YY1: variants seen among roughly 807,000 people sequenced by gnomAD.
YY1 encodes the protein YY1 transcription factor, also known as transcriptional repressor protein YY1.
Under a neutral mutation model 35.6 loss-of-function variants are expected in YY1, and 2 were observed. The ratio of observed to expected loss-of-function variants is 0.06; its 90% CI spans 0.02 to 0.18. YY1 has a LOEUF of 0.18. YY1 is among the 10% of genes least tolerant of loss of function. The probability of loss-of-function intolerance (pLI) is 1.00; values close to 1 mark genes in which losing one functional copy is unlikely to be tolerated. For missense variants in YY1, 322 were observed against 573.4 expected, an observed-to-expected ratio of 0.56 and a Z score of 4.48; for synonymous variants, 268 against 238.9, an observed-to-expected ratio of 1.12 and a Z score of -1.12.
At chr14:100,247,453 C>G (rs773578810) in intron 1 of YY1, among the ~76,000 whole-genome samples, 3 of 151,300 alleles carry the variant, frequency 2.0e-5, no homozygotes, top group African/African-American at 7.3e-5. Context: ...ACAATCTCAG[C>G]TCATTGCAGC....
rs1891373208 is a variant in YY1 at position 100,279,162 on chromosome 14, C to G, written c.*1562C>G. 6.6e-6 allele frequency: 1 copy of G among 152,172 alleles called. No individual in the cohort carries two copies. The highest frequency in any genetic ancestry group is 6.5e-5 in the Admixed American group (1 of 15,280). 9.4% of individuals were successfully genotyped at this position (152,172 alleles called of 1,614,324 possible). A position where few individuals can be genotyped will look rare whatever the true frequency, so the allele number is the denominator to read the frequency against. ...GTTGGATCTTAGGTCAAATAACAGA[C>G]TTGAGAATACTTTATAAACTGCCAT... On this transcript the variant is annotated 3_prime_UTR_variant, in exon 5 of 5. Coordinates refer to ENST00000262238, the MANE Select transcript of YY1 (RefSeq NM_003403.5).
Position 100,241,109 on chromosome 14 carries a change from A to G in YY1, c.679+1186A>G, listed in dbSNP as rs1371586247. Reference sequence around the variant, plus strand: ...ATTATTAATTCAATGCTGGTTTTTTAGGTCAGTATCCTATTAGTATATTCA... The same window carrying G: ...ATTATTAATTCAATGCTGGTTTTTTGGGTCAGTATCCTATTAGTATATTCA... On this transcript the variant is annotated intron_variant, in intron 1 of 4. Coordinates refer to ENST00000262238, the MANE Select transcript of YY1 (RefSeq NM_003403.5). 3.3e-5 allele frequency among the ~76,000 whole-genome samples: 5 copies of G among 152,194 alleles called. 1 individual carries two copies. Among genetic ancestry groups the G allele is most frequent in the Admixed American group, 3.3e-4 (5 of 15,262 alleles).
At chr14:100,255,488 G>A (rs1437394818) in intron 1 of YY1, among the ~76,000 whole-genome samples, 1 of 152,054 alleles carries the variant, frequency 6.6e-6, no homozygotes, top group African/African-American at 2.4e-5. Context: ...GCGTGGTGGT[G>A]TGCCCCTGTG....
At chr14:100,258,225 A>C (rs1891031000) in intron 1 of YY1, among the ~76,000 whole-genome samples, 1 of 152,062 alleles carries the variant, frequency 6.6e-6, no homozygotes, top group South Asian at 2.1e-4. Context: ...TTTGATGTAG[A>C]AGTAGATGTG....
intron 1 of YY1, among the ~76,000 whole-genome samples, chr14:100,247,752 C>G (rs1038318405): frequency 3.3e-5 from 5 of 152,132 alleles, no homozygotes; most frequent in Non-Finnish European, 7.3e-5. Context: ...AGTATCTTCT[C>G]AGTAGGTTCC....
intron 1 of YY1, among the ~76,000 whole-genome samples, chr14:100,246,210 T>A (rs1890830934): frequency 6.6e-6 from 1 of 152,146 alleles, no homozygotes; most frequent in African/African-American, 2.4e-5. Context: ...TTTCCATACA[T>A]GGGTTTTGTG....
chr14:100,277,910 G>A lies in YY1; in HGVS notation c.*310G>A. ...AAAAGACAATTCTTTATACAACAGT[G>A]CTAAAAATGGGACTTCTTTTCACAT... is the stretch of plus-strand genomic sequence containing the variant. On this transcript the variant is annotated 3_prime_UTR_variant, in exon 5 of 5. Coordinates refer to ENST00000262238, the MANE Select transcript of YY1 (RefSeq NM_003403.5). This position sits in a 1 kb window ranked among gnomAD's most constrained non-coding sequence, Gnocchi z 5.6. 3.2e-6 allele frequency: 1 copy of A among 314,974 alleles called. No homozygotes were observed. Among genetic ancestry groups the A allele is most frequent in the Non-Finnish European group, 5.9e-6 (1 of 168,208 alleles). 19.5% of individuals were successfully genotyped at this position (314,974 alleles called of 1,614,324 possible). A position where few individuals can be genotyped will look rare whatever the true frequency, so the allele number is the denominator to read the frequency against.
chr14:100,276,320 C>T lies in YY1; in HGVS notation c.904-170C>T. The T allele has an allele frequency of 2.3e-6, 2 of 877,012 alleles. No homozygotes were observed. Among genetic ancestry groups the T allele is most frequent in the Non-Finnish European group, 1.7e-6 (1 of 579,370 alleles). The allele number at this position is 877,012 out of a possible 1,614,324, so 54.3% of individuals were successfully genotyped here. ...ATTGAATGATGACTTTTTCAGCTGT[C>T]TGCTTTTTGTCTTAAATGATATTAA... On this transcript the variant is annotated intron_variant, in intron 3 of 4. Coordinates refer to ENST00000262238, the MANE Select transcript of YY1 (RefSeq NM_003403.5). This position sits in a 1 kb window ranked among gnomAD's most constrained non-coding sequence, Gnocchi z 4.1.
At chr14:100,250,743 G>T (rs1890912356) in intron 1 of YY1, among the ~76,000 whole-genome samples, 2 of 151,778 alleles carry the variant, frequency 1.3e-5, no homozygotes, top group African/African-American at 4.8e-5. Flanking sequence ...ACGTGGCTGG[G>T]TATGGTGCAC....
rs771913717 is a variant in YY1, at chr14:100,278,682, A to C, written c.*1082A>C. The C allele has an allele frequency of 1.3e-5, 2 of 152,282 alleles. No homozygotes were observed. The highest frequency in any genetic ancestry group is 4.8e-5 in the African/African-American group (2 of 41,480). The allele number at this position is 152,282 out of a possible 1,614,324, so 9.4% of individuals were successfully genotyped here. The stretch of plus-strand genomic sequence containing the variant: ...CCTGACTTCTGAAAGAGAGTAGGTA[A>C]CAGGCATCCCGAGTTCAGGAACTAC... On this transcript the variant is annotated 3_prime_UTR_variant, in exon 5 of 5. Coordinates refer to ENST00000262238, the MANE Select transcript of YY1 (RefSeq NM_003403.5).
At chr14:100,240,372 C>T (rs1399730874) in intron 1 of YY1, among the ~76,000 whole-genome samples, 1 of 149,140 alleles carries the variant, frequency 6.7e-6, no homozygotes, top group African/African-American at 2.4e-5. Context: ...GGGATTGCTG[C>T]CTCCGGGACG....
rs563759420 is a variant in YY1, at chr14:100,253,487, G to A, written c.680-8817G>A. On this transcript the variant is annotated intron_variant, in intron 1 of 4. Transcript: ENST00000262238. ...GCCTGGAGTGCAGTGGCGTGATCTC[G>A]GCTCACTGCAACCTCTGCGTCTCAG... 7.2e-5 allele frequency among the ~76,000 whole-genome samples: 11 copies of A among 152,134 alleles called. No individual in the cohort carries two copies. The South Asian group carries it at 1.7e-3, about 23-fold the overall frequency.
In YY1 at chr14:100,249,760, G is replaced by GTTTTTGTT. The variant is rs34925666; in HGVS notation, c.679+9840_679+9841insTTGTTTTT. ...TTTGCTACTTACCGTTTTTTTTTTT[G>GTTTTTGTT]TTTGTTTTTGTTTTTGTTTTTGTTT... On this transcript the variant is annotated intron_variant, in intron 1 of 4. Coordinates refer to ENST00000262238, the MANE Select transcript of YY1 (RefSeq NM_003403.5). 5.2e-3 allele frequency among the ~76,000 whole-genome samples: 743 copies of GTTTTTGTT among 143,022 alleles called. 18 individuals are homozygous for GTTTTTGTT. The highest frequency in any genetic ancestry group is 0.02 in the Admixed American group (296 of 14,442). 93.8% of individuals were successfully genotyped at this position (143,022 alleles called of 152,430 possible). A position where few individuals can be genotyped will look rare whatever the true frequency, so the allele number is the denominator to read the frequency against.
intron 1 of YY1, among the ~76,000 whole-genome samples, chr14:100,260,125 C>T (rs1891059539): frequency 6.6e-6 from 1 of 152,036 alleles, no homozygotes. Flanking sequence ...TGCTCTGTTG[C>T]CCAGGGTGGA....
chr14:100,241,978 A>AAG (rs1368329527), intron 1 of YY1, among the ~76,000 whole-genome samples: 3 of 87,886 alleles, frequency 3.4e-5, no homozygotes, highest in African/African-American at 4.2e-5. Flanking sequence ...CTGTCTCAAA[A>AAG]GGGGGGGGGG....
intron 2 of YY1, among the ~76,000 whole-genome samples, chr14:100,272,595 G>C (rs939681698): frequency 1.3e-5 from 2 of 151,360 alleles, no homozygotes; most frequent in Non-Finnish European, 2.9e-5. Context: ...ACAAAAGAGT[G>C]GTGGTAAATT....
rs963763163 is a variant in YY1, at chr14:100,241,761, A to C, written c.679+1838A>C. Among the ~76,000 whole-genome samples the C allele has an allele frequency of 2.0e-5, 3 of 152,216 alleles. No homozygotes were observed. In the East Asian group the frequency reaches 5.8e-4, roughly 29 times the overall value. ...AGGCTGAGGCCGGTGGATCACTTGA[A>C]GTCTGGAGTTCGAGACCAGCTGGCC... On this transcript the variant is annotated intron_variant, in intron 1 of 4. Coordinates refer to ENST00000262238, the MANE Select transcript of YY1 (RefSeq NM_003403.5).
Position 100,276,452 on chromosome 14 carries a change from T to G in YY1, c.904-38T>G. ...AATGGTTGAATCCTTTCTAACAGTTTGCAATGTGAACTTCTAAGCTGCTTT... is the reference window on the plus strand; with the variant it reads ...AATGGTTGAATCCTTTCTAACAGTTGGCAATGTGAACTTCTAAGCTGCTTT... On this transcript the variant is annotated intron_variant, in intron 3 of 4. Coordinates refer to ENST00000262238, the MANE Select transcript of YY1 (RefSeq NM_003403.5). The surrounding 1 kb of genome is among the most constrained non-coding windows in gnomAD (Gnocchi z 4.1). 6.2e-7 allele frequency: 1 copy of G among 1,614,154 alleles called. No individual in the cohort carries two copies. The highest frequency in any genetic ancestry group is 8.5e-7 in the Non-Finnish European group (1 of 1,180,002).
chr14:100,270,095 T>C (rs1355518182), intron 2 of YY1, among the ~76,000 whole-genome samples: 1 of 151,508 alleles, frequency 6.6e-6, no homozygotes, highest in East Asian at 1.9e-4. Flanking sequence ...ACCCCGTCTC[T>C]ACTAAAAATA....
Sources: allele counts gnomAD v4.1 joint callset (sites outside exome capture counted in the v4.1 genomes callset), GRCh38; gene constraint gnomAD v4.1.1; non-coding constraint Gnocchi (gnomAD v3.1); transcripts MANE v1.5; gene names NCBI Gene and HGNC (gene_info 2026-07-23, HGNC 2026-07-21).